The following RCBTB2 variants were observed in gnomAD, a reference collection of about 807,000 sequenced individuals.
RCBTB2 encodes RCC1 and BTB domain containing protein 2, also known as RCC1 and BTB domain-containing protein 2.
RCBTB2 carries 55 observed loss-of-function variants against 65.4 expected under a neutral mutation model. That is an observed-to-expected ratio of 0.84 (90% CI 0.68 to 1.05). The LOEUF (loss-of-function observed/expected upper bound fraction) is 1.05. Ranked by LOEUF, RCBTB2 falls within the 50% of genes least tolerant of loss-of-function variation. The pLI, the probability that RCBTB2 is intolerant of heterozygous loss-of-function variation, is 0.00. For synonymous variants in RCBTB2, 220 were observed against 255.2 expected (o/e 0.86, Z 1.31); for missense variants, 599 against 680.1 (o/e 0.88, Z 1.33).
chr13:48,496,790 AGAGGGGAGGGGAGAG>A (rs1268297596), intron 13 of RCBTB2, among the ~76,000 whole-genome samples: 1,057 of 96,084 alleles, frequency 0.011, 18 homozygotes, highest in African/African-American at 0.027. Flanking sequence ...GGAGAAGAGA[AGAGGGGAGGGGAGAG>A]GAGGGGAGGG....
Position 48,502,934 on chromosome 13 carries a change from C to G in RCBTB2, c.927-20G>C. The G allele has an allele frequency of 6.4e-7, 1 of 1,572,728 alleles. No homozygotes were observed. The highest frequency in any genetic ancestry group is 1.1e-5 in the South Asian group (1 of 88,612). On this transcript the variant is annotated intron_variant, in intron 10 of 14. Coordinates refer to ENST00000344532, the MANE Select transcript of RCBTB2 (RefSeq NM_001268.4). ...ATAATCCTAAATTCACAAACACACA[C>G]CACATAAGCACAGTGACCGGGGCAG... is the stretch of plus-strand genomic sequence containing the variant.
chr13:48,492,738 T>C (rs1268455029), intron 14 of RCBTB2, among the ~76,000 whole-genome samples: 2 of 152,228 alleles, frequency 1.3e-5, no homozygotes, highest in African/African-American at 4.8e-5. Flanking sequence ...CTTCCGTTAC[T>C]GCTCACTCCT....
intron 7 of RCBTB2, 81 bp downstream of exon 7, chr13:48,512,648 G>A: frequency 8.7e-7 from 1 of 1,152,764 alleles, no homozygotes. Context: ...TTAATCAAAT[G>A]ATTGTATTTC....
In RCBTB2 at chr13:48,507,726, A is replaced by T. The variant is rs1402046691; in HGVS notation, c.926+2903T>A. Among the ~76,000 whole-genome samples the T allele has an allele frequency of 2.0e-5, 3 of 152,350 alleles. No homozygotes were observed. In the East Asian group the frequency reaches 5.8e-4, roughly 29 times the overall value. On this transcript the variant is annotated intron_variant, in intron 10 of 14. Coordinates refer to ENST00000344532, the MANE Select transcript of RCBTB2 (RefSeq NM_001268.4). ...CCAATCCTGGTTTTGTAAGAGCCCA[A>T]GTATTATACCAACTACCTCAGAAGT...
At chr13:48,503,468 C>T (rs183028282) in intron 10 of RCBTB2, among the ~76,000 whole-genome samples, 3,110 of 148,612 alleles carry the variant, frequency 0.021, 113 homozygotes, top group African/African-American at 0.078. Context: ...CCCAGGAGAG[C>T]AGTTTCCTAG....
intron 1 of RCBTB2, among the ~76,000 whole-genome samples, chr13:48,529,311 A>C (rs1951975040): frequency 6.6e-6 from 1 of 152,188 alleles, no homozygotes; most frequent in Non-Finnish European, 1.5e-5. Context: ...TCTTTGACCC[A>C]CAGCATATAT....
rs752293048 is a variant in RCBTB2 at position 48,502,954 on chromosome 13, G to A, written c.927-40C>T. The A allele has an allele frequency of 5.3e-6, 8 of 1,501,648 alleles. No individual in the cohort carries two copies. In the African/African-American group the frequency reaches 8.3e-5, roughly 16 times the overall value. The allele number at this position is 1,501,648 out of a possible 1,614,324, so 93.0% of individuals were successfully genotyped here. On this transcript the variant is annotated intron_variant, in intron 10 of 14. Transcript: ENST00000344532. ...ACACACCACATAAGCACAGTGACCG[G>A]GGCAGAAACAAGTTGGGTCCTCCTC... is the stretch of plus-strand genomic sequence containing the variant.
intron 1 of RCBTB2, among the ~76,000 whole-genome samples, chr13:48,529,797 A>G (rs1317443221): frequency 6.6e-6 from 1 of 151,550 alleles, no homozygotes; most frequent in Non-Finnish European, 1.5e-5. Context: ...ACTCTCTTTT[A>G]GTCTTTAACA....
Position 48,514,031 on chromosome 13 carries a change from C to T in RCBTB2, c.350-1136G>A, listed in dbSNP as rs1950949223. On this transcript the variant is annotated intron_variant, in intron 6 of 14. Coordinates refer to ENST00000344532, the MANE Select transcript of RCBTB2 (RefSeq NM_001268.4). ...TTACAAAATGTACTGTTCACAATGT[C>T]ACAGATAGAAGATTTGTTCTTACCA... Among the ~76,000 whole-genome samples the T allele has an allele frequency of 2.0e-5, 3 of 152,190 alleles. No individual in the cohort carries two copies. In the South Asian group the frequency reaches 6.2e-4, roughly 32 times the overall value.
At chr13:48,519,852 A>T (rs1294411805) in intron 4 of RCBTB2, among the ~76,000 whole-genome samples, 1 of 152,228 alleles carries the variant, frequency 6.6e-6, no homozygotes, top group Non-Finnish European at 1.5e-5. Flanking sequence ...GACTAAATTT[A>T]TAAAATGCAT....
chr13:48,532,218 G>C (rs981629467), intron 1 of RCBTB2: 1 of 152,358 alleles, frequency 6.6e-6, no homozygotes, highest in East Asian at 1.9e-4. Context: ...CGGAGCACTT[G>C]GAAAGTTTTC....
intron 10 of RCBTB2, 88 bp from the exon 11 acceptor site, chr13:48,503,002 G>A: frequency 7.5e-7 from 1 of 1,337,528 alleles, no homozygotes; most frequent in Admixed American, 3.2e-5. Flanking sequence ...ACTGATGTGG[G>A]ACATCATAAA....
intron 14 of RCBTB2, among the ~76,000 whole-genome samples, chr13:48,493,063 G>A (rs1183418427): frequency 6.6e-6 from 1 of 151,998 alleles, no homozygotes; most frequent in Non-Finnish European, 1.5e-5. Flanking sequence ...CTCCTCAGTC[G>A]TCTTTTTTTT....
chr13:48,515,024 A>G (rs550874128), intron 6 of RCBTB2, among the ~76,000 whole-genome samples, 181 bp downstream of exon 6: 32 of 152,356 alleles, frequency 2.1e-4, no homozygotes, highest in East Asian at 1.2e-3. Flanking sequence ...TAAAATGCCA[A>G]TGATTCCTAG....
chr13:48,534,829 T>G (rs1274366910), upstream of RCBTB2, among the ~76,000 whole-genome samples: 3 of 152,232 alleles, frequency 2.0e-5, no homozygotes, highest in Non-Finnish European at 4.4e-5. Flanking sequence ...AGACTAAAAA[T>G]TTAGACTCTG....
chr13:48,493,315 A>C (rs943279), intron 14 of RCBTB2, among the ~76,000 whole-genome samples: 2 of 75,028 alleles, frequency 2.7e-5, no homozygotes, highest in Non-Finnish European at 2.5e-5. Context: ...ACACACACAC[A>C]CTCTCTCTCT....
intron 2 of RCBTB2, among the ~76,000 whole-genome samples, chr13:48,523,270 T>C (rs1951524703): frequency 1.3e-5 from 2 of 152,260 alleles, no homozygotes; most frequent in Admixed American, 1.3e-4. Flanking sequence ...TTTACATCAA[T>C]GTGGATCCTG....
At position 48,515,614 on chromosome 13, in the gene RCBTB2, T is replaced by C. The variant is rs1484516942; in HGVS notation, c.170A>G (p.Glu57Gly). The C allele has an allele frequency of 6.2e-7, 1 of 1,611,468 alleles. No individual in the cohort carries two copies. The highest frequency in any genetic ancestry group is 8.5e-7 in the Non-Finnish European group (1 of 1,179,340). The part of the protein sequence containing the change: ...QACVFGSAGN[E>G]VLYTTVNDEI... ...ATCATTTACTGTAGTGTATAAAACT[T>C]CATTGCCAGCACTGCCAAAGACACA... Residue 57 changes from glutamate to glycine, a missense_variant, in exon 5 of 15, where the codon GAA (glutamate) becomes GGA (glycine). Physicochemically the swap from Glu to Gly is moderately conservative, Grantham distance 98. Transcript: ENST00000344532.
At chr13:48,503,802 G>C (rs1212844060) in intron 10 of RCBTB2, among the ~76,000 whole-genome samples, 4 of 152,180 alleles carry the variant, frequency 2.6e-5, no homozygotes, top group African/African-American at 9.7e-5. Flanking sequence ...GCCCACCTTG[G>C]CCTCCCAGAG....
Sources: gnomAD v4.1 joint callset for allele counts (sites outside exome capture counted in the v4.1 genomes callset) on GRCh38, gnomAD v4.1.1 for gene constraint, MANE v1.5 for transcripts, NCBI Gene and HGNC (gene_info 2026-07-23, HGNC 2026-07-21) for gene names.